Variants in FRMPD4 observed in about 807,000 individuals in gnomAD.
The protein encoded by FRMPD4 is FERM and PDZ domain containing 4, also known as FERM and PDZ domain-containing protein 4.
Under a neutral mutation model 94.1 loss-of-function variants are expected in FRMPD4, and 22 were observed. The observed-to-expected ratio is 0.23, with a 90% CI of 0.17 to 0.33. The LOEUF is 0.33. Among genes scored for constraint, FRMPD4 ranks in the 10% least tolerant of loss-of-function variants. The pLI, the probability that FRMPD4 is intolerant of heterozygous loss-of-function variation, is 1.00. For missense variants in FRMPD4, 1,111 were observed against 1,339.9 expected, an observed-to-expected ratio of 0.83 and a Z score of 2.67; for synonymous variants, 631 against 548.6, an observed-to-expected ratio of 1.15 and a Z score of -2.10.
intron 1 of FRMPD4, among the ~76,000 whole-genome samples, chrX:12,269,180 A>T (rs972373606): frequency 5.4e-5 from 6 of 111,508 alleles, no homozygotes; most frequent in African/African-American, 2.0e-4. Flanking sequence ...ACAGTCTATC[A>T]ATAAAATGCT....
chrX:11,881,858 G>A (rs942861514), intron 3 of FRMPD4, among the ~76,000 whole-genome samples: 2 of 111,869 alleles, frequency 1.8e-5, no homozygotes, highest in African/African-American at 3.3e-5. Context: ...ACACAAACAC[G>A]AATAAGTATA....
chrX:12,561,011 C>T (rs1450772211), intron 2 of FRMPD4, among the ~76,000 whole-genome samples: 2 of 108,088 alleles, frequency 1.9e-5, no homozygotes, highest in South Asian at 4.1e-4. Flanking sequence ...CCTCGTGATC[C>T]GCCCGCCTCG....
intron 1 of FRMPD4, among the ~76,000 whole-genome samples, chrX:12,375,670 T>C (rs2056226320): frequency 8.9e-6 from 1 of 112,418 alleles, no homozygotes; most frequent in Admixed American, 9.4e-5. Flanking sequence ...TCATTATGCC[T>C]AAAAGTCTCT....
chrX:12,399,165 G>A (rs141418022), intron 1 of FRMPD4, among the ~76,000 whole-genome samples: 6 of 111,552 alleles, frequency 5.4e-5, no homozygotes, highest in African/African-American at 1.6e-4. Context: ...TGCTGATTGC[G>A]CTGTGTGCTT....
intron 1 of FRMPD4, among the ~76,000 whole-genome samples, chrX:12,352,026 T>C (rs1308101174): frequency 1.8e-5 from 2 of 112,054 alleles, no homozygotes; most frequent in African/African-American, 6.5e-5. Flanking sequence ...AGGAGTGTCA[T>C]TGTTGAGCCA....
chrX:12,701,943 G>A lies in FRMPD4; in HGVS notation c.1003G>A (p.Ala335Thr). 1.7e-6 allele frequency: 2 copies of A among 1,209,038 alleles called. No homozygotes were observed. Among genetic ancestry groups the A allele is most frequent in the Non-Finnish European group, 2.2e-6 (2 of 892,445 alleles). The change falls in exon 10 of 17, where the codon GCA becomes ACA. Residue 335 changes from alanine (A) to threonine (T), a missense_variant. Transcript: ENST00000675598. Reference protein sequence around the residue: ...LKYDIALRLAALQMYIATVTT... With the variant: ...LKYDIALRLATLQMYIATVTT... Reference sequence around the variant, plus strand: ...ATATGACATAGCCCTGCGGCTGGCCGCATTACAAATGTACATTGCAACCGT... The same window carrying A: ...ATATGACATAGCCCTGCGGCTGGCCACATTACAAATGTACATTGCAACCGT...
intron 1 of FRMPD4, among the ~76,000 whole-genome samples, chrX:12,362,353 C>G (rs1238203861): frequency 9.0e-6 from 1 of 110,582 alleles, no homozygotes; most frequent in Non-Finnish European, 1.9e-5. Flanking sequence ...TTATCCCTCC[C>G]CCCTCCTCCC....
intron 4 of FRMPD4, among the ~76,000 whole-genome samples, chrX:12,636,976 G>A (rs1018854901): frequency 8.9e-6 from 1 of 111,751 alleles, no homozygotes. Context: ...TCCAAATCTG[G>A]GATGAGTAAT....
chrX:12,382,530 G>GAGCATAGCAT (rs59601417), intron 1 of FRMPD4, among the ~76,000 whole-genome samples: 13,521 of 44,568 alleles, frequency 0.3, 1,777 homozygotes, highest in Middle Eastern at 0.41. Context: ...GCATAGCATA[G>GAGCATAGCAT]AGCATAGCAT....
At chrX:11,850,423 A>G (rs1455500554) in intron 1 of FRMPD4, among the ~76,000 whole-genome samples, 3 of 112,436 alleles carry the variant, frequency 2.7e-5, no homozygotes, top group Non-Finnish European at 5.6e-5. Context: ...TAGAATCACC[A>G]TAATGTCTAG....
intron 3 of FRMPD4, among the ~76,000 whole-genome samples, chrX:11,916,893 G>A (rs1462258011): frequency 3.6e-5 from 4 of 111,323 alleles, no homozygotes; most frequent in African/African-American, 1.3e-4. Context: ...CCAGATACCT[G>A]TGTTCCTAGC....
At chrX:12,360,990 AC>A (rs2055980489) in intron 1 of FRMPD4, among the ~76,000 whole-genome samples, 1 of 108,639 alleles carries the variant, frequency 9.2e-6, no homozygotes, top group Admixed American at 9.9e-5. Context: ...AGTATTTTGA[AC>A]CCTGCAGACC....
intron 3 of FRMPD4, among the ~76,000 whole-genome samples, chrX:11,915,111 C>T (rs1053449782): frequency 8.9e-6 from 1 of 112,335 alleles, no homozygotes; most frequent in Non-Finnish European, 1.9e-5. Context: ...TTCCTTGGCA[C>T]ATTGTGCTGA....
chrX:12,712,287 G>A (rs1308121420), intron 14 of FRMPD4, among the ~76,000 whole-genome samples: 4 of 110,923 alleles, frequency 3.6e-5, no homozygotes, highest in African/African-American at 9.8e-5. Flanking sequence ...AGTGGTTCAC[G>A]CCTATAATCC....
chrX:12,503,766 C>T (rs1214452332), intron 2 of FRMPD4, among the ~76,000 whole-genome samples: 1 of 111,856 alleles, frequency 8.9e-6, no homozygotes, highest in Non-Finnish European at 1.9e-5. Context: ...AAAGTATTTA[C>T]CCAGTCTAAT....
chrX:12,322,786 TG>T (rs2055226376), intron 1 of FRMPD4, among the ~76,000 whole-genome samples: 1 of 112,012 alleles, frequency 8.9e-6, no homozygotes, highest in South Asian at 3.7e-4. Context: ...AAGATATCAG[TG>T]CCTTTTATGT....
intron 3 of FRMPD4, among the ~76,000 whole-genome samples, chrX:12,023,998 C>A (rs963106455): frequency 9.0e-6 from 1 of 111,284 alleles, no homozygotes; most frequent in Non-Finnish European, 1.9e-5. Context: ...TAACTGCAGT[C>A]GAACCACAAA....
intron 3 of FRMPD4, among the ~76,000 whole-genome samples, chrX:12,095,192 T>G (rs1397991994): frequency 9.1e-6 from 1 of 110,282 alleles, no homozygotes; most frequent in African/African-American, 3.3e-5. Context: ...CCCTGGGTAA[T>G]GTAGTGAGAC....
At chrX:12,327,998 G>A in intron 1 of FRMPD4, among the ~76,000 whole-genome samples, 1 of 111,243 alleles carries the variant, frequency 9.0e-6, no homozygotes, top group East Asian at 2.8e-4. Context: ...GTAGCCATTT[G>A]CCTTGCTTTG....
Sources: gnomAD v4.1 joint callset for allele counts (sites outside exome capture counted in the v4.1 genomes callset) on GRCh38, gnomAD v4.1.1 for gene constraint, MANE v1.5 for transcripts, NCBI Gene and HGNC (gene_info 2026-07-23, HGNC 2026-07-21) for gene names.